Variants in RASGRF1 observed in about 807,000 individuals in gnomAD.
The protein encoded by RASGRF1 is ras-specific guanine nucleotide-releasing factor 1.
A neutral mutation model predicts 138.7 loss-of-function variants in RASGRF1; 40 were observed. That is an observed-to-expected ratio of 0.29 (90% CI 0.22 to 0.38). RASGRF1 has a LOEUF of 0.38. RASGRF1 is among the 10% of genes least tolerant of loss of function. RASGRF1 has a pLI of 1.00. For missense variants in RASGRF1, 1,108 were observed against 1,650.4 expected (o/e 0.67, Z 5.69); for synonymous variants, 614 against 663.2 (o/e 0.93, Z 1.14).
chr15:79,082,819 C>T (rs2057930741), intron 1 of RASGRF1, among the ~76,000 whole-genome samples: 1 of 152,158 alleles, frequency 6.6e-6, no homozygotes, highest in South Asian at 2.1e-4. Context: ...GCTAAGATTT[C>T]CATCCTATTT....
chr15:79,012,387 C>A (rs1311478588), intron 13 of RASGRF1: 2 of 877,986 alleles, frequency 2.3e-6, no homozygotes, highest in Non-Finnish European at 3.7e-6. Context: ...CTGGATTACA[C>A]AGATTCCATT....
At chr15:78,966,167 T>C (rs2044229) in intron 26 of RASGRF1, among the ~76,000 whole-genome samples, 7,847 of 151,902 alleles carry the variant, frequency 0.052, 698 homozygotes, top group African/African-American at 0.18. Flanking sequence ...CATGTGTTTA[T>C]CCTCTAAGAG....
chr15:78,984,674 T>G (rs1595869759), intron 23 of RASGRF1: 2 of 339,478 alleles, frequency 5.9e-6, no homozygotes, highest in Non-Finnish European at 1.1e-5. Context: ...CTGACCACTG[T>G]CTCAGCTGCC....
In RASGRF1 at chr15:78,991,678, C is replaced by G; in HGVS notation, c.3131+13G>C. ...GGAAGCGGGGGGAGGCGGGTGGTGC[C>G]TGCAACACTTACTCATAAGGAATCT... On this transcript the variant is annotated intron_variant, in intron 21 of 26. Transcript: ENST00000558480. 6 of 1,607,362 alleles carry G rather than the reference C, an allele frequency of 3.7e-6. No homozygotes were observed. Among genetic ancestry groups the G allele is most frequent in the Non-Finnish European group, 5.1e-6 (6 of 1,173,888 alleles).
rs752114529 is a variant in RASGRF1, at chr15:79,090,463, G to C, written c.36C>G (p.Val12=). ...TGCGCGCCAGCAGTCCCAGGGACGC[G>C]ACGTGGCCATCATTCAGCCGGATCC... ...QKGIRLNDGH[V]ASLGLLARKD... The change falls in exon 1 of 27, where the codon GTC becomes GTG. Residue 12 remains valine, a synonymous_variant. Transcript: ENST00000558480. 1.3e-4 allele frequency: 204 copies of C among 1,612,770 alleles called. No homozygotes were observed. Among genetic ancestry groups the C allele is most frequent in the Non-Finnish European group, 1.7e-4 (201 of 1,179,974 alleles).
chr15:79,024,577 T>A (rs2057018424), intron 10 of RASGRF1, among the ~76,000 whole-genome samples: 1 of 152,184 alleles, frequency 6.6e-6, no homozygotes, highest in Non-Finnish European at 1.5e-5. Flanking sequence ...GGTAATTGAA[T>A]CATGGGGGTA....
At chr15:78,968,794 T>C (rs6495355) in intron 26 of RASGRF1, among the ~76,000 whole-genome samples, 151,649 of 152,306 alleles carry the variant, frequency 1, 75,501 homozygotes, top group Middle Eastern at 1. Flanking sequence ...CTCCTCTGAG[T>C]TCTCTTCATG....
At chr15:78,979,189 G>T (rs1468755418) in intron 24 of RASGRF1, 1 of 1,279,072 alleles carries the variant, frequency 7.8e-7, no homozygotes, top group South Asian at 1.3e-5. Context: ...GGACAGCACA[G>T]ATGGGTGCAA....
chr15:78,979,069 G>A, intron 24 of RASGRF1: 6 of 1,290,660 alleles, frequency 4.6e-6, no homozygotes, highest in Non-Finnish European at 6.1e-6. Flanking sequence ...GGATGGAGTG[G>A]TGCCCCGGGG....
intron 22 of RASGRF1, among the ~76,000 whole-genome samples, chr15:78,989,630 G>A (rs1484962482): frequency 1.3e-5 from 2 of 152,140 alleles, no homozygotes; most frequent in Non-Finnish European, 2.9e-5. Flanking sequence ...AAGAAGAGGG[G>A]CAGCGAGTGG....
chr15:78,990,363 T>C, intron 21 of RASGRF1, 90 bp from the exon 22 acceptor site: 1 of 903,860 alleles, frequency 1.1e-6, no homozygotes, highest in African/African-American at 1.7e-5. Context: ...ATTTTTTGGC[T>C]TTTTGAGGCT....
intron 1 of RASGRF1, among the ~76,000 whole-genome samples, chr15:79,082,089 G>C (rs1354271403): frequency 6.6e-6 from 1 of 152,168 alleles, no homozygotes; most frequent in East Asian, 1.9e-4. Flanking sequence ...CTGTGTGTGT[G>C]CCCGATGATC....
In RASGRF1 at chr15:79,003,938, C is replaced by G; in HGVS notation, c.2313G>C (p.Ser771=). 6.2e-7 allele frequency: 1 copy of G among 1,614,150 alleles called. No individual in the cohort carries two copies. The highest frequency in any genetic ancestry group is 1.1e-5 in the South Asian group (1 of 91,072). Residue 771 remains serine, a synonymous_variant, in exon 15 of 27, where the codon TCG becomes TCC. Transcript: ENST00000558480. ...TGGCCTTGCTGAAGGGTGACATGGC[C>G]GAGTACATGCTGGTGTAGCCATTGG... ...CNSNGYTSMY[S]AMSPFSKATL...
rs1394514897 is a variant in RASGRF1, at chr15:78,993,380, T to TTTG, written c.3028-1587_3028-1586insCAA. On this transcript the variant is annotated intron_variant, in intron 20 of 26. Coordinates refer to ENST00000558480, the MANE Select transcript of RASGRF1 (RefSeq NM_001145648.3). ...GTGTGTTTGGTGTGTGTAGTGTGTG[T>TTTG]GTGTGGGTGTGTGTGTGTGTTTGTG... 7.1e-4 allele frequency among the ~76,000 whole-genome samples: 107 copies of TTTG among 149,756 alleles called. 1 individual carries two copies. The highest frequency in any genetic ancestry group is 2.5e-3 in the African/African-American group (102 of 40,634).
chr15:78,980,712 A>G lies in RASGRF1; in HGVS notation c.3415-13T>C, dbSNP rs748811555. 4.4e-6 allele frequency: 7 copies of G among 1,580,672 alleles called. No homozygotes were observed. Among genetic ancestry groups the G allele is most frequent in the Non-Finnish European group, 6.1e-6 (7 of 1,151,870 alleles). The stretch of plus-strand genomic sequence containing the variant: ...TCAAAGCTTTAGTCTAGAAGGAAGC[A>G]GAAGCATTTACTAACACACAGCACA... On this transcript the variant is annotated splice_polypyrimidine_tract_variant and intron_variant, in intron 23 of 26. Coordinates refer to ENST00000558480, the MANE Select transcript of RASGRF1 (RefSeq NM_001145648.3).
chr15:78,999,654 A>C, intron 17 of RASGRF1, 89 bp downstream of exon 17: 1 of 1,493,128 alleles, frequency 6.7e-7, no homozygotes, highest in Non-Finnish European at 9.2e-7. Flanking sequence ...CACCCACAGC[A>C]GAGCAAGTCC....
At chr15:79,064,631 G>T in intron 1 of RASGRF1, 105 bp from the exon 2 acceptor site, 1 of 1,010,276 alleles carries the variant, frequency 9.9e-7, no homozygotes, top group Non-Finnish European at 1.6e-6. Context: ...TGCCACATCA[G>T]CTAGGCACAG....
chr15:79,015,439 G>C, intron 12 of RASGRF1, 30 bp from the exon 13 acceptor site: 1 of 1,589,210 alleles, frequency 6.3e-7, no homozygotes, highest in Non-Finnish European at 8.6e-7. Flanking sequence ...CCCAGGGTCA[G>C]AGCTCTCCAT....
chr15:79,012,173 C>T (rs765353719), intron 13 of RASGRF1, among the ~76,000 whole-genome samples: 5 of 152,148 alleles, frequency 3.3e-5, no homozygotes, highest in African/African-American at 4.8e-5. Context: ...TCACTCTCCT[C>T]GACCCTGCAC....
Sources: allele counts gnomAD v4.1 joint callset (sites outside exome capture counted in the v4.1 genomes callset), GRCh38; gene constraint gnomAD v4.1.1; transcripts MANE v1.5; gene names NCBI Gene and HGNC (gene_info 2026-07-23, HGNC 2026-07-21).